Variants in ATXN3 observed in about 807,000 individuals in gnomAD.
ATXN3 encodes ataxin-3.
Under a neutral mutation model 58.2 loss-of-function variants are expected in ATXN3, and 28 were observed. The ratio of observed to expected loss-of-function variants is 0.48; its 90% CI spans 0.36 to 0.66. ATXN3 has a LOEUF of 0.66. Ranked by LOEUF, ATXN3 falls within the 30% of genes least tolerant of loss-of-function variation. The probability of loss-of-function intolerance (pLI) is 0.00; values close to 1 mark genes in which losing one functional copy is unlikely to be tolerated. For synonymous variants in ATXN3, 113 were observed against 138.5 expected, an observed-to-expected ratio of 0.82 and a Z score of 1.29; for missense variants, 321 against 422.1, an observed-to-expected ratio of 0.76 and a Z score of 2.10.
downstream of ATXN3, among the ~76,000 whole-genome samples, chr14:92,054,221 A>G (rs1214756819): frequency 6.6e-6 from 1 of 152,132 alleles, no homozygotes; most frequent in Non-Finnish European, 1.5e-5. Context: ...GGCATGAACC[A>G]CCGTGCCCGG....
intron 9 of ATXN3, chr14:92,073,564 C>A (rs2059816045): frequency 6.6e-6 from 1 of 152,394 alleles, no homozygotes; most frequent in African/African-American, 2.4e-5. Context: ...CTTGTCTGGG[C>A]ACGGTGGCTC....
intron 1 of ATXN3, among the ~76,000 whole-genome samples, chr14:92,103,383 C>G (rs2089862540): frequency 6.6e-6 from 1 of 152,178 alleles, no homozygotes; most frequent in African/African-American, 2.4e-5. Context: ...TTTAGATAAA[C>G]AGCACCATAT....
In ATXN3 at chr14:92,061,912, T is replaced by G. The variant is rs1179821020; in HGVS notation, c.*2408A>C. The G allele has an allele frequency of 1.3e-5, 2 of 152,178 alleles. No individual in the cohort carries two copies. The highest frequency in any genetic ancestry group is 2.4e-5 in the African/African-American group (1 of 41,440). 9.4% of individuals were successfully genotyped at this position (152,178 alleles called of 1,614,324 possible). ...TAAATGTAACAATTTCACAACAAAC[T>G]ACACAAACACATTCAAACGCATCCA... On this transcript the variant is annotated 3_prime_UTR_variant, in exon 11 of 11. Transcript: ENST00000644486.
At chr14:92,046,688 T>C (rs2057429513) in intron 2 of ATXN3, among the ~76,000 whole-genome samples, 1 of 152,040 alleles carries the variant, frequency 6.6e-6, no homozygotes, top group Non-Finnish European at 1.5e-5. Context: ...TTTTGTGAGT[T>C]TATATAATGG....
In ATXN3 at chr14:92,088,879, T is replaced by G. The variant is rs1035883922; in HGVS notation, c.388-62A>C. 1.1e-5 allele frequency: 10 copies of G among 926,720 alleles called. No homozygotes were observed. The Admixed American group carries it at 1.3e-4, about 12-fold the overall frequency. The allele number at this position is 926,720 out of a possible 1,614,324, so 57.4% of individuals were successfully genotyped here. A position where few individuals can be genotyped will look rare whatever the true frequency, so the allele number is the denominator to read the frequency against. ...TTATAGGTAATAAGGAAGTTTCACA[T>G]GTTAAGAATAGATACAACCCATCAA... On this transcript the variant is annotated intron_variant, in intron 5 of 10. Coordinates refer to ENST00000644486, the MANE Select transcript of ATXN3 (RefSeq NM_004993.6).
chr14:92,093,926 T>G, intron 3 of ATXN3, 95 bp from the exon 4 acceptor site: 1 of 747,842 alleles, frequency 1.3e-6, no homozygotes, highest in Non-Finnish European at 2.3e-6. Context: ...ATATATAAAT[T>G]TCTCTAGAAG....
chr14:92,066,146 T>C (rs1238595695), intron 10 of ATXN3, among the ~76,000 whole-genome samples: 3 of 152,092 alleles, frequency 2.0e-5, no homozygotes, highest in Non-Finnish European at 4.4e-5. Context: ...GGAGTATAGA[T>C]GCTATGTCAT....
At chr14:92,057,435 G>A (rs2057482729), downstream of ATXN3, among the ~76,000 whole-genome samples, 1 of 150,674 alleles carries the variant, frequency 6.6e-6, no homozygotes, top group Admixed American at 6.6e-5. Flanking sequence ...AAAGCGGGGG[G>A]AGGGGGCGCG....
At chr14:92,048,648 A>G (rs2057437327) in intron 1 of ATXN3, among the ~76,000 whole-genome samples, 1 of 152,180 alleles carries the variant, frequency 6.6e-6, no homozygotes, top group Admixed American at 6.5e-5. Flanking sequence ...CACCTCTTTA[A>G]GAAGAAATTG....
intron 5 of ATXN3, among the ~76,000 whole-genome samples, chr14:92,092,097 G>C (rs2063966486): frequency 7.2e-6 from 1 of 139,770 alleles, no homozygotes; most frequent in Admixed American, 6.9e-5. Context: ...GTGCCTCTCT[G>C]TAACCCTCCC....
At chr14:92,052,232 C>T (rs982406642), upstream of ATXN3, among the ~76,000 whole-genome samples, 1 of 152,080 alleles carries the variant, frequency 6.6e-6, no homozygotes, top group Non-Finnish European at 1.5e-5. Flanking sequence ...CGGTGGTTCA[C>T]GCCTGTAATC....
At chr14:92,049,627 C>G (rs1482995618) in exon 1 of ATXN3, 2 of 184,046 alleles carry the variant, frequency 1.1e-5, no homozygotes, top group Non-Finnish European at 2.2e-5. Flanking sequence ...ATGAGATGTT[C>G]CTTGGGCTGG....
chr14:92,106,096 G>A (rs1596093503), intron 1 of ATXN3, among the ~76,000 whole-genome samples: 1 of 151,974 alleles, frequency 6.6e-6, no homozygotes, highest in Admixed American at 6.6e-5. Context: ...GTCCGGAGGA[G>A]GAAAAGTTAA....
intron 3 of ATXN3, 129 bp downstream of exon 3, chr14:92,095,964 C>G: frequency 1.3e-6 from 1 of 781,168 alleles, no homozygotes; most frequent in Non-Finnish European, 2.2e-6. Context: ...ATCTAGTACT[C>G]TAGAGTATAA....
intron 1 of ATXN3, among the ~76,000 whole-genome samples, chr14:92,097,430 G>A (rs975078745): frequency 6.6e-6 from 1 of 151,248 alleles, no homozygotes; most frequent in African/African-American, 2.4e-5. Flanking sequence ...GTTTCACTCT[G>A]TTAGCCAGGC....
Position 92,096,134 on chromosome 14 carries a change from GC to G in ATXN3, c.192del (p.Gln64HisfsTer17). The G allele has an allele frequency of 6.5e-7, 1 of 1,550,060 alleles. No homozygotes were observed. Among genetic ancestry groups the G allele is most frequent in the Non-Finnish European group, 8.8e-7 (1 of 1,134,910 alleles). Reference sequence around the variant, plus strand: ...CCACTGTCATCCATATTTCCAGAAGGCTGCTGTTAATTTTGACAGGTAGTTG... The same window carrying G: ...CCACTGTCATCCATATTTCCAGAAGGTGCTGTTAATTTTGACAGGTAGTTG... Reference protein sequence around the residue: ...TSEDYRTFLQQPSGNMDDSGF... With the variant: ...TSEDYRTFLQXPSGNMDDSGF... On this transcript the variant is annotated frameshift_variant and splice_region_variant, in exon 3 of 11. Coordinates refer to ENST00000644486, the MANE Select transcript of ATXN3 (RefSeq NM_004993.6). LOFTEE classifies it high-confidence loss of function.
At chr14:92,094,272 A>C (rs1250878854) in intron 3 of ATXN3, among the ~76,000 whole-genome samples, 2 of 152,064 alleles carry the variant, frequency 1.3e-5, no homozygotes, top group Non-Finnish European at 2.9e-5. Context: ...GTGTGTATAG[A>C]TATATCACTA....
At chr14:92,104,031 A>T (rs2067514847) in intron 1 of ATXN3, among the ~76,000 whole-genome samples, 3 of 152,218 alleles carry the variant, frequency 2.0e-5, no homozygotes, top group Admixed American at 6.5e-5. Context: ...CAAAAAACTA[A>T]ATTGTTGAAT....
intron 5 of ATXN3, among the ~76,000 whole-genome samples, chr14:92,092,808 T>G (rs1326111047): frequency 6.6e-6 from 1 of 151,372 alleles, no homozygotes; most frequent in African/African-American, 2.4e-5. Flanking sequence ...TACTGGTCAG[T>G]TTCCTAATTT....
Sources: gnomAD v4.1 joint callset for allele counts (sites outside exome capture counted in the v4.1 genomes callset) on GRCh38, gnomAD v4.1.1 for gene constraint, MANE v1.5 for transcripts, NCBI Gene and HGNC (gene_info 2026-07-23, HGNC 2026-07-21) for gene names.